ZNF469: variants seen among roughly 807,000 people sequenced by gnomAD.
The protein encoded by ZNF469 is zinc finger protein 469.
In ZNF469, 1 loss-of-function variant was observed where a neutral mutation model predicts 1.0. That is an observed-to-expected ratio of 1.00 (90% confidence interval 0.35 to 4.73). ZNF469 has a LOEUF of 4.73. ZNF469 is among the 30% of genes most tolerant of loss of function. ZNF469 has a pLI of 0.16. For synonymous variants in ZNF469, 2,703 were observed against 2,363.4 expected (o/e 1.14, Z -4.17); for missense variants, 6,100 against 5,356.3 (o/e 1.14, Z -4.33).
the ZNF469 span, among the ~76,000 whole-genome samples, chr16:88,243,551 G>A: frequency 6.6e-6 from 1 of 152,162 alleles, no homozygotes; most frequent in African/African-American, 2.4e-5. Context: ...GGGTTCCCAG[G>A]CGAGCAGAGG....
chr16:88,138,939 A>G, the ZNF469 span, among the ~76,000 whole-genome samples: 2 of 152,230 alleles, frequency 1.3e-5, no homozygotes, highest in African/African-American at 4.8e-5. Context: ...TGCCTGGAAA[A>G]TGCTAGAGGG....
At chr16:88,238,411 T>G in the ZNF469 span, among the ~76,000 whole-genome samples, 1 of 152,106 alleles carries the variant, frequency 6.6e-6, no homozygotes. Flanking sequence ...GCAGAGACCC[T>G]AGATAGATAG....
At chr16:88,284,785 G>A in the ZNF469 span, among the ~76,000 whole-genome samples, 1 of 152,234 alleles carries the variant, frequency 6.6e-6, no homozygotes, top group Non-Finnish European at 1.5e-5. Context: ...GCAGGAGGGC[G>A]ATGGGGCCTT....
Position 88,436,228 on chromosome 16 carries a change from C to T in ZNF469, c.8758C>T (p.Leu2920Phe). Residue 2920 changes from leucine to phenylalanine, a missense_variant, in exon 3 of 3, where the codon CTC becomes TTC. By Grantham distance (22) the Leu-to-Phe change is conservative (BLOSUM62 0). Transcript: ENST00000565624. ...TDLSDSSSLCLCHEDPWEDED... is the reference protein window; with the variant it reads ...TDLSDSSSLCFCHEDPWEDED... Reference sequence around the variant, plus strand: ...CCTCAGCGACTCCAGCTCCCTCTGCCTCTGCCATGAGGACCCGTGGGAGGA... The same window carrying T: ...CCTCAGCGACTCCAGCTCCCTCTGCTTCTGCCATGAGGACCCGTGGGAGGA... The T allele has an allele frequency of 4.5e-6, 7 of 1,549,336 alleles. No individual in the cohort carries two copies. Among genetic ancestry groups the T allele is most frequent in the Non-Finnish European group, 6.1e-6 (7 of 1,146,900 alleles).
At chr16:88,411,132 C>T (rs577924235) in intron 1 of ZNF469, among the ~76,000 whole-genome samples, 32 of 152,206 alleles carry the variant, frequency 2.1e-4, no homozygotes, top group Non-Finnish European at 3.5e-4. Context: ...AGGTCACATT[C>T]GTAGGTGCTG....
At chr16:88,241,024 G>A in the ZNF469 span, among the ~76,000 whole-genome samples, 1 of 152,150 alleles carries the variant, frequency 6.6e-6, no homozygotes, top group East Asian at 1.9e-4. This position sits in a 1 kb window ranked among gnomAD's most constrained non-coding sequence, Gnocchi z 4.8. Flanking sequence ...ACGCTGCCTG[G>A]CAGGGCTCTG....
the ZNF469 span, among the ~76,000 whole-genome samples, chr16:88,231,655 T>G: frequency 6.6e-6 from 1 of 152,112 alleles, no homozygotes; most frequent in South Asian, 2.1e-4. The surrounding 1 kb of genome is among the most constrained non-coding windows in gnomAD (Gnocchi z 4.5). Flanking sequence ...CGCAGCCTCT[T>G]TCCATTTCTC....
At chr16:88,116,082 C>A in the ZNF469 span, among the ~76,000 whole-genome samples, 13 of 152,262 alleles carry the variant, frequency 8.5e-5, no homozygotes, top group African/African-American at 3.1e-4. Context: ...CACACATGCC[C>A]GACTAGAGCC....
At chr16:88,273,203 G>A in the ZNF469 span, among the ~76,000 whole-genome samples, 1 of 151,854 alleles carries the variant, frequency 6.6e-6, no homozygotes, top group Non-Finnish European at 1.5e-5. Context: ...ATGCATGAAT[G>A]AAGTTGCCAG....
At chr16:88,377,371 G>A in the ZNF469 span, among the ~76,000 whole-genome samples, 2 of 152,190 alleles carry the variant, frequency 1.3e-5, no homozygotes, top group Non-Finnish European at 2.9e-5. Context: ...CGCTGGGCCC[G>A]CCACCCATGG....
chr16:88,423,521 A>G (rs1266532681), intron 1 of ZNF469, among the ~76,000 whole-genome samples: 1 of 152,174 alleles, frequency 6.6e-6, no homozygotes, highest in East Asian at 1.9e-4. Flanking sequence ...TTGCTGTATC[A>G]TAAAGAACAG....
chr16:88,312,475 A>G, the ZNF469 span, among the ~76,000 whole-genome samples: 157 of 152,160 alleles, frequency 1.0e-3, no homozygotes, highest in African/African-American at 3.7e-3. Context: ...TTTCTCCCCA[A>G]TTCTTCACTT....
chr16:88,388,622 C>A (rs1025661753), intron 1 of ZNF469, among the ~76,000 whole-genome samples: 2 of 152,258 alleles, frequency 1.3e-5, no homozygotes, highest in Non-Finnish European at 2.9e-5. Flanking sequence ...TTGCTAAGAT[C>A]CCAGCCAGAG....
chr16:88,134,974 A>G, the ZNF469 span, among the ~76,000 whole-genome samples: 1 of 152,254 alleles, frequency 6.6e-6, no homozygotes, highest in East Asian at 1.9e-4. Flanking sequence ...ATCTTGTTTC[A>G]AAAGAAAGTC....
At chr16:88,380,884 CCAGACATGCACTCACACACACTCA>C (rs1428466535), upstream of ZNF469, among the ~76,000 whole-genome samples, 3 of 116,154 alleles carry the variant, frequency 2.6e-5, no homozygotes, top group African/African-American at 6.7e-5. Context: ...ATGCCCTCAC[CCAGACATGCACTCACACACACTCA>C]CAGACATGCA....
At chr16:88,270,614 C>T in the ZNF469 span, among the ~76,000 whole-genome samples, 3 of 152,210 alleles carry the variant, frequency 2.0e-5, no homozygotes, top group Admixed American at 6.5e-5. Flanking sequence ...TTACCATACT[C>T]GATGCTTCAC....
At chr16:88,394,135 G>A (rs1435333660) in intron 1 of ZNF469, among the ~76,000 whole-genome samples, 1 of 149,652 alleles carries the variant, frequency 6.7e-6, no homozygotes, top group East Asian at 2.0e-4. Flanking sequence ...GGTTTGACAC[G>A]CCTACACCTG....
the ZNF469 span, among the ~76,000 whole-genome samples, chr16:88,297,669 G>T: frequency 6.6e-6 from 1 of 152,052 alleles, no homozygotes; most frequent in African/African-American, 2.4e-5. Flanking sequence ...CTGTCCCCAC[G>T]CACCCTCTCC....
chr16:88,137,850 G>A, the ZNF469 span, among the ~76,000 whole-genome samples: 1 of 152,324 alleles, frequency 6.6e-6, no homozygotes, highest in African/African-American at 2.4e-5. Flanking sequence ...AGAGCCCTGG[G>A]TTTGCAGATT....
Sources: gnomAD v4.1 joint callset for allele counts (sites outside exome capture counted in the v4.1 genomes callset) on GRCh38, gnomAD v4.1.1 for gene constraint, Gnocchi (gnomAD v3.1) non-coding constraint, MANE v1.5 for transcripts, NCBI Gene and HGNC (gene_info 2026-07-23, HGNC 2026-07-21) for gene names.